WNK2: variants seen among roughly 807,000 people sequenced by gnomAD.
WNK2 encodes the protein serine/threonine-protein kinase WNK2.
WNK2 carries 67 observed loss-of-function variants against 192.1 expected under a neutral mutation model. The ratio of observed to expected loss-of-function variants is 0.35; its 90% confidence interval spans 0.29 to 0.43. The LOEUF (loss-of-function observed/expected upper bound fraction) is 0.43, where lower values mean the gene tolerates loss of function less well. Among genes scored for constraint, WNK2 ranks in the 20% least tolerant of loss-of-function variants. WNK2 has a pLI of 1.00. For synonymous variants in WNK2, 1,439 were observed against 1,393.9 expected (o/e 1.03, Z -0.72); for missense variants, 2,698 against 3,089.7 (o/e 0.87, Z 3.01).
Position 93,306,792 on chromosome 9 carries a change from G to A in WNK2, c.6230G>A (p.Arg2077His), listed in dbSNP as rs1388947041. Residue 2077 changes from arginine to histidine, a missense_variant, in exon 27 of 30, where the codon CGT (arginine) becomes CAT (histidine). Physicochemically the swap from Arg to His is conservative, Grantham distance 29. Around this residue, in one of 7 missense-constraint regions of WNK2, gnomAD observed 29 missense variants for 55.6 expected, o/e 0.52. Coordinates refer to ENST00000427277, the MANE Select transcript of WNK2 (RefSeq NM_006648.4). ...TCCCTTGCAGGGTCTGCCCTGAAGC[G>A]TCTCTGCCTAGGCAAAGAACACAGC... ...VSVSIWSALK[R>H]LCLGKEHSSR... 7 of 1,614,068 alleles carry A rather than the reference G, an allele frequency of 4.3e-6. No individual in the cohort carries two copies. Among genetic ancestry groups the A allele is most frequent in the Middle Eastern group, 1.6e-4 (1 of 6,062 alleles).
chr9:93,185,148 C>T lies in WNK2; in HGVS notation c.219C>T (p.Arg73=), dbSNP rs1021811990. 1 of 1,293,586 alleles carries T rather than the reference C, an allele frequency of 7.7e-7. No homozygotes were observed. Among genetic ancestry groups the T allele is most frequent in the Non-Finnish European group, 9.9e-7 (1 of 1,014,150 alleles). 80.1% of individuals were successfully genotyped at this position (1,293,586 alleles called of 1,614,324 possible). A position where few individuals can be genotyped will look rare whatever the true frequency, so the allele number is the denominator to read the frequency against. ...PGPQPPQPLQ[R]RVLLLCKTRR... is the part of the protein sequence containing the mutation. ...CGCAGCCCCCGCAGCCCCTGCAGCG[C>T]CGGGTGCTTCTGCTCTGCAAGACGC... The change falls in exon 2 of 30, where the codon CGC becomes CGT. Residue 73 remains arginine (R), a synonymous_variant. Coordinates refer to ENST00000427277, the MANE Select transcript of WNK2 (RefSeq NM_006648.4).
intron 24 of WNK2, 151 bp from the exon 25 acceptor site, chr9:93,298,919 T>A: frequency 1.3e-6 from 1 of 765,332 alleles, no homozygotes; most frequent in Non-Finnish European, 2.0e-6. Flanking sequence ...ATCACTCCTC[T>A]GTGGGAGATG....
At chr9:93,228,743 C>T (rs1838230506) in intron 2 of WNK2, among the ~76,000 whole-genome samples, 2 of 152,092 alleles carry the variant, frequency 1.3e-5, no homozygotes, top group Admixed American at 6.5e-5. Context: ...CATGCAGGCT[C>T]CCTGGATTTA....
chr9:93,233,920 C>T (rs1839357284), intron 4 of WNK2, among the ~76,000 whole-genome samples: 1 of 152,118 alleles, frequency 6.6e-6, no homozygotes, highest in African/African-American at 2.4e-5. Flanking sequence ...TGCAACCGGA[C>T]TTATTTTATT....
intron 2 of WNK2, among the ~76,000 whole-genome samples, chr9:93,196,973 C>A (rs534928052): frequency 6.6e-6 from 1 of 152,302 alleles, no homozygotes; most frequent in South Asian, 2.1e-4. Flanking sequence ...CACACCCAGG[C>A]ATCTGTGGGC....
intron 2 of WNK2, among the ~76,000 whole-genome samples, chr9:93,199,787 T>C (rs1452945239): frequency 1.3e-5 from 2 of 151,172 alleles, no homozygotes; most frequent in Non-Finnish European, 2.9e-5. Context: ...TAGTCCCAGC[T>C]ACTTGGGCAG....
At chr9:93,297,719 G>A (rs1419917088) in intron 23 of WNK2, 134 bp from the exon 24 acceptor site, 2 of 860,156 alleles carry the variant, frequency 2.3e-6, no homozygotes, top group African/African-American at 3.4e-5. Flanking sequence ...CTTTAGAGTG[G>A]CCCAGGCCAA....
intron 2 of WNK2, among the ~76,000 whole-genome samples, chr9:93,196,553 A>T (rs1490223827): frequency 1.3e-5 from 2 of 152,062 alleles, no homozygotes; most frequent in African/African-American, 4.8e-5. Flanking sequence ...TGGGAAACAA[A>T]TGGGTGGTTA....
rs189004409 is a variant in WNK2 at position 93,231,650 on chromosome 9, C to T, written c.1075+542C>T. 5.3e-3 allele frequency among the ~76,000 whole-genome samples: 813 copies of T among 152,338 alleles called. 8 individuals carry two copies. Among genetic ancestry groups the T allele is most frequent in the African/African-American group, 0.018 (763 of 41,566 alleles). On this transcript the variant is annotated intron_variant, in intron 4 of 29. Transcript: ENST00000427277. Reference sequence around the variant, plus strand: ...CTGGGGAATCCACATACCTGCGGGGCGGGGCACAGAGCAGGCGTTGTGCAC... The same window carrying T: ...CTGGGGAATCCACATACCTGCGGGGTGGGGCACAGAGCAGGCGTTGTGCAC...
chr9:93,297,734 C>A, intron 23 of WNK2, 119 bp from the exon 24 acceptor site: 2 of 1,034,212 alleles, frequency 1.9e-6, no homozygotes, highest in Non-Finnish European at 2.8e-6. Context: ...GGCCAAGGCA[C>A]AGGCAGGGTG....
At position 93,271,943 on chromosome 9, in the gene WNK2, G is replaced by A. The variant is rs139215139; in HGVS notation, c.4033+3197G>A. On this transcript the variant is annotated intron_variant, in intron 19 of 29. Coordinates refer to ENST00000427277, the MANE Select transcript of WNK2 (RefSeq NM_006648.4). ...GTGACTATAGATTTCTCGCCAGAAA[G>A]TGTGGTGTACAGAAGAAAGCAGCAG... Among the ~76,000 whole-genome samples the A allele has an allele frequency of 7.6e-3, 1,164 of 152,338 alleles. 8 individuals are homozygous for A. The highest frequency in any genetic ancestry group is 0.018 in the African/African-American group (765 of 41,566).
In WNK2 at chr9:93,289,127, C is replaced by T. The variant is rs374328058; in HGVS notation, c.4373C>T (p.Pro1458Leu). 3 of 1,603,420 alleles carry T rather than the reference C, an allele frequency of 1.9e-6. No homozygotes were observed. The highest frequency in any genetic ancestry group is 2.2e-5 in the East Asian group (1 of 44,566). Residue 1458 changes from proline to leucine, a missense_variant, in exon 20 of 30, where the codon CCA becomes CTA. Pro to Leu is a moderately conservative substitution (Grantham distance 98). Around this residue, in one of 7 missense-constraint regions of WNK2, gnomAD observed 1,098 missense variants for 1,101.0 expected, o/e 1.00. Transcript: ENST00000427277. The part of the protein sequence containing the change: ...PLVVGLAPCT[P>L]APEAASTRDA... ...GTGGTGGGCCTAGCACCTTGCACTC[C>T]AGCTCCAGAGGCTGCCTCAACCAGG...
In WNK2 at chr9:93,289,403, A is replaced by G; in HGVS notation, c.4649A>G (p.Lys1550Arg). ...GTGGGCTTTGTGGACAGCACCATCA[A>G]GAGCCTGGACGAGAAGCTGCGGACT... ...PRVGFVDSTI[K>R]SLDEKLRTLL... Residue 1550 changes from lysine to arginine, a missense_variant, in exon 20 of 30, where the codon AAG (lysine) becomes AGG (arginine). By Grantham distance (26) the Lys-to-Arg change is conservative. Transcript: ENST00000427277. The G allele has an allele frequency of 6.2e-7, 1 of 1,612,900 alleles. No individual in the cohort carries two copies. Among genetic ancestry groups the G allele is most frequent in the Non-Finnish European group, 8.5e-7 (1 of 1,179,776 alleles).
intron 2 of WNK2, among the ~76,000 whole-genome samples, chr9:93,190,228 C>T (rs1027892483): frequency 5.3e-5 from 8 of 152,196 alleles, no homozygotes; most frequent in African/African-American, 1.9e-4. Flanking sequence ...GAAATGTGGG[C>T]GCCAAGCTCT....
Position 93,308,362 on chromosome 9 carries a change from G to A in WNK2, c.6294G>A (p.Glu2098=). ...CCAGCAGCCTGGCCCCAGGCCCTGA[G>A]CCAGGCCCCCAGCCCGCCCTGCACG... ...SSTSSLAPGP[E]PGPQPALHVQ... is the part of the protein sequence containing the mutation. Residue 2098 remains glutamate (E), a synonymous_variant, in exon 28 of 30, where the codon GAG becomes GAA. Transcript: ENST00000427277. 6.4e-7 allele frequency: 1 copy of A among 1,557,434 alleles called. No individual in the cohort carries two copies. Among genetic ancestry groups the A allele is most frequent in the Non-Finnish European group, 8.7e-7 (1 of 1,150,838 alleles).
chr9:93,192,690 C>A (rs1830547971), intron 2 of WNK2, among the ~76,000 whole-genome samples: 1 of 152,218 alleles, frequency 6.6e-6, no homozygotes, highest in Admixed American at 6.5e-5. Flanking sequence ...ATACAATGGG[C>A]AGCAGATTCC....
chr9:93,234,411 C>T (rs1167222170), intron 4 of WNK2, among the ~76,000 whole-genome samples: 1 of 152,204 alleles, frequency 6.6e-6, no homozygotes, highest in African/African-American at 2.4e-5. Context: ...GTTCTTTCTG[C>T]TCCAGGGTTT....
At chr9:93,242,430 C>T (rs946937569) in intron 7 of WNK2, among the ~76,000 whole-genome samples, 1 of 152,230 alleles carries the variant, frequency 6.6e-6, no homozygotes, top group Admixed American at 6.5e-5. Flanking sequence ...CACAGAGGTA[C>T]ATTTTTTCAA....
intron 2 of WNK2, among the ~76,000 whole-genome samples, chr9:93,198,377 A>T (rs1450321151): frequency 6.6e-6 from 1 of 152,198 alleles, no homozygotes; most frequent in Non-Finnish European, 1.5e-5. Context: ...GAGGAGGCTG[A>T]TGGGGACCCA....
Sources: gnomAD v4.1 joint callset for allele counts (sites outside exome capture counted in the v4.1 genomes callset) on GRCh38, gnomAD v4.1.1 for gene constraint, gnomAD v4.1.1 regional missense constraint, MANE v1.5 for transcripts, NCBI Gene and HGNC (gene_info 2026-07-23, HGNC 2026-07-21) for gene names.